Variants in CD109 observed in about 807,000 individuals in gnomAD.
The protein encoded by CD109 is CD109 antigen.
In CD109, 149 loss-of-function variants were observed where a neutral mutation model predicts 165.8. The ratio of observed to expected loss-of-function variants is 0.90; its 90% CI spans 0.79 to 1.03. The LOEUF is 1.03. Ranked by LOEUF, CD109 falls within the 50% of genes least tolerant of loss-of-function variation. The probability of loss-of-function intolerance (pLI) is 0.00; values close to 1 mark genes in which losing one functional copy is unlikely to be tolerated. For synonymous variants in CD109, 585 were observed against 592.1 expected, an observed-to-expected ratio of 0.99 and a Z score of 0.18; for missense variants, 1,712 against 1,677.8, an observed-to-expected ratio of 1.02 and a Z score of -0.36.
At position 73,757,799 on chromosome 6, in the gene CD109, T is replaced by A. The variant is rs59074160; in HGVS notation, c.673+1117T>A. Among the ~76,000 whole-genome samples the A allele has an allele frequency of 4.6e-3, 702 of 152,332 alleles. 18 individuals carry two copies. In the East Asian group the frequency reaches 0.063, roughly 14 times the overall value. ...ATAAAAATTAATTTCACCTGCTTATTTTTACTTTAAAAATTTGACTACTAG... is the reference window on the plus strand; with the variant it reads ...ATAAAAATTAATTTCACCTGCTTATATTTACTTTAAAAATTTGACTACTAG... On this transcript the variant is annotated intron_variant, in intron 6 of 32. Transcript: ENST00000287097.
At position 73,782,661 on chromosome 6, in the gene CD109, C is replaced by T. The variant is rs1023215426; in HGVS notation, c.2011C>T (p.His671Tyr). Residue 671 changes from histidine (H) to tyrosine (Y), a missense_variant, in exon 18 of 33, where the codon CAT becomes TAT. By Grantham distance (83) the His-to-Tyr change is moderately conservative (BLOSUM62 2). Transcript: ENST00000287097. The part of the protein sequence containing the change: ...AERFMEENEG[H>Y]IVDIHDFSLG... The stretch of plus-strand genomic sequence containing the variant: ...GAGGTTTATGGAGGAAAATGAAGGA[C>T]ATATTGTAGATATTCATGACTTTTC... 4.3e-6 allele frequency: 7 copies of T among 1,613,422 alleles called. No individual in the cohort carries two copies. In the African/African-American group the frequency reaches 5.3e-5, roughly 12 times the overall value.
At chr6:73,814,861 G>A in intron 29 of CD109, 120 bp from the exon 30 acceptor site, 1 of 534,176 alleles carries the variant, frequency 1.9e-6, no homozygotes. Context: ...TTTCTAGTTT[G>A]AAGATTAAAA....
At position 73,787,320 on chromosome 6, in the gene CD109, T is replaced by C. The variant is rs1168263044; in HGVS notation, c.2424T>C (p.Leu808=). 8.1e-6 allele frequency: 13 copies of C among 1,613,586 alleles called. No individual in the cohort carries two copies. Among genetic ancestry groups the C allele is most frequent in the Non-Finnish European group, 1.1e-5 (13 of 1,179,620 alleles). The change falls in exon 21 of 33, where the codon CTT becomes CTC. Residue 808 remains leucine (L), a synonymous_variant. Coordinates refer to ENST00000287097, the MANE Select transcript of CD109 (RefSeq NM_133493.5). ...EINATGHQQT[L]LVPSEDGATV... ...ATGCCACAGGCCACCAGCAGACCCT[T>C]CTGGTTCCCAGTGAGGATGGGGCAA... is the stretch of plus-strand genomic sequence containing the variant.
intron 3 of CD109, among the ~76,000 whole-genome samples, chr6:73,728,221 T>A (rs1409788600): frequency 2.0e-5 from 3 of 152,168 alleles, no homozygotes; most frequent in African/African-American, 7.2e-5. Flanking sequence ...CTTGGGAGGC[T>A]GAGGCAGGAG....
intron 13 of CD109, among the ~76,000 whole-genome samples, 153 bp from the exon 14 acceptor site, chr6:73,767,902 G>A (rs1237544550): frequency 1.3e-5 from 2 of 152,104 alleles, no homozygotes; most frequent in Non-Finnish European, 2.9e-5. Flanking sequence ...TGCTCTCTGT[G>A]TTTGTCAGAG....
At chr6:73,693,333 C>A (rs571308629), upstream of CD109, among the ~76,000 whole-genome samples, 1 of 152,058 alleles carries the variant, frequency 6.6e-6, no homozygotes, top group African/African-American at 2.4e-5. Context: ...AGGTGCCAGG[C>A]TCTTTTTAAC....
In CD109 at chr6:73,827,636, G is replaced by T. The variant is rs1776316235; in HGVS notation, c.*4003G>T. 6.6e-6 allele frequency: 1 copy of T among 152,048 alleles called. No homozygotes were observed. Among genetic ancestry groups the T allele is most frequent in the South Asian group, 2.1e-4 (1 of 4,824 alleles). 9.4% of individuals were successfully genotyped at this position (152,048 alleles called of 1,614,324 possible). A position where few individuals can be genotyped will look rare whatever the true frequency, so the allele number is the denominator to read the frequency against. ...AGTATATATCAGTGAGAGTAGGCTT[G>T]TTTTACAACTATTTCTAGCCAGTGA... is the stretch of plus-strand genomic sequence containing the variant. On this transcript the variant is annotated 3_prime_UTR_variant, in exon 33 of 33. Transcript: ENST00000287097.
chr6:73,812,082 G>A, intron 28 of CD109, 123 bp from the exon 29 acceptor site: 2 of 617,644 alleles, frequency 3.2e-6, no homozygotes, highest in Non-Finnish European at 2.9e-6. Flanking sequence ...ACAGTGCAAA[G>A]CTCTTAGTGC....
chr6:73,781,037 G>A (rs1278749649), intron 16 of CD109, among the ~76,000 whole-genome samples: 2 of 148,760 alleles, frequency 1.3e-5, no homozygotes, highest in South Asian at 4.3e-4. Flanking sequence ...GAGAAAGATC[G>A]ATGGGCATGT....
chr6:73,696,180 CGGCAGCGGACTGTAGCCCA>C, upstream of CD109: 1 of 1,537,800 alleles, frequency 6.5e-7, no homozygotes, highest in Non-Finnish European at 8.7e-7. Flanking sequence ...CGAACTTCCC[CGGCAGCGGACTGTAGCCCA>C]GGCAGACGCC....
intron 17 of CD109, 34 bp from the exon 18 acceptor site, chr6:73,782,580 T>G: frequency 6.3e-7 from 1 of 1,596,964 alleles, no homozygotes; most frequent in Non-Finnish European, 8.6e-7. Flanking sequence ...CTCCAGTGAC[T>G]GTTTTTCTAA....
intron 1 of CD109, 120 bp downstream of exon 1, chr6:73,696,409 G>A (rs939612703): frequency 2.0e-5 from 16 of 789,180 alleles, no homozygotes; most frequent in South Asian, 1.9e-4. Flanking sequence ...AAATGCCCTC[G>A]CGGCTGCAGT....
chr6:73,782,964 A>T (rs992880624), intron 18 of CD109, among the ~76,000 whole-genome samples: 4 of 152,100 alleles, frequency 2.6e-5, no homozygotes, highest in Non-Finnish European at 4.4e-5. Flanking sequence ...GGTCTCATCA[A>T]TGAGAAGATA....
In CD109 at chr6:73,758,981, A is replaced by G; in HGVS notation, c.711A>G (p.Leu237=). 1 of 1,607,806 alleles carries G rather than the reference A, an allele frequency of 6.2e-7. No homozygotes were observed. Among genetic ancestry groups the G allele is most frequent in the Non-Finnish European group, 8.5e-7 (1 of 1,174,784 alleles). ...PKFEVTLQTP[L]YCSMNSKHLN... ...TTGAAGTGACTTTGCAGACACCATT[A>G]TATTGTTCTATGAATTCTAAGCATT... is the stretch of plus-strand genomic sequence containing the variant. Residue 237 remains leucine, a synonymous_variant, in exon 7 of 33, where the codon TTA becomes TTG. Transcript: ENST00000287097.
chr6:73,748,062 G>A (rs148909291), intron 5 of CD109, among the ~76,000 whole-genome samples: 1,643 of 152,040 alleles, frequency 0.011, 31 homozygotes, highest in African/African-American at 0.037. Flanking sequence ...TAGAGATGGG[G>A]TTTCACCATG....
At position 73,766,936 on chromosome 6, in the gene CD109, G is replaced by GT. The variant is rs146545559; in HGVS notation, c.1435-5dup. 0.035 allele frequency: 56,189 copies of GT among 1,613,000 alleles called. 1,149 individuals are homozygous for GT. Among genetic ancestry groups the GT allele is most frequent in the Non-Finnish European group, 0.04 (46,759 of 1,179,388 alleles). ...TTTTGATATGTACATATTAATTAAG[G>GT]TTTTTTTCTAGGTGGGATCGCCTTT... On this transcript the variant is annotated splice_polypyrimidine_tract_variant and intron_variant, in intron 12 of 32. Transcript: ENST00000287097.
chr6:73,701,033 C>G (rs1010439612), intron 2 of CD109, among the ~76,000 whole-genome samples: 3 of 150,972 alleles, frequency 2.0e-5, no homozygotes, highest in Non-Finnish European at 4.4e-5. Flanking sequence ...GAACTCCTGA[C>G]CTCGTGACCT....
rs1023286289 is a variant in CD109, at chr6:73,803,373, A to G, written c.2960+72A>G. 2.0e-5 allele frequency: 21 copies of G among 1,035,860 alleles called. No individual in the cohort carries two copies. The African/African-American group carries it at 3.4e-4, about 17-fold the overall frequency. 64.2% of individuals were successfully genotyped at this position (1,035,860 alleles called of 1,614,324 possible). ...TTCACTAGGTCACAATAGCCACGAA[A>G]TTGACAGATATATCTCTATATATTA... On this transcript the variant is annotated intron_variant, in intron 24 of 32. Transcript: ENST00000287097.
At chr6:73,789,608 C>T (rs1774840669) in intron 22 of CD109, among the ~76,000 whole-genome samples, 2 of 144,494 alleles carry the variant, frequency 1.4e-5, no homozygotes, top group Admixed American at 1.4e-4. Context: ...CACCCGCCAC[C>T]ATGCCTGGCT....
Sources: allele counts gnomAD v4.1 joint callset (sites outside exome capture counted in the v4.1 genomes callset), GRCh38; gene constraint gnomAD v4.1.1; transcripts MANE v1.5; gene names NCBI Gene and HGNC (gene_info 2026-07-23, HGNC 2026-07-21).